The following DLEU7 variants were observed in gnomAD, a reference collection of about 807,000 sequenced individuals.
DLEU7 encodes leukemia-associated protein 7.
A neutral mutation model predicts 16.0 loss-of-function variants in DLEU7; 17 were observed. That is an observed-to-expected ratio of 1.06 (90% CI 0.73 to 1.59). DLEU7 has a LOEUF of 1.59. Among genes scored for constraint, DLEU7 ranks in the 40% most tolerant of loss-of-function variants. The pLI is 0.00. For synonymous variants in DLEU7, 113 were observed against 139.8 expected (o/e 0.81, Z 1.35); for missense variants, 308 against 314.9 (o/e 0.98, Z 0.17).
At chr13:50,792,951 G>T (rs1357814567) in intron 1 of DLEU7, among the ~76,000 whole-genome samples, 1 of 151,592 alleles carries the variant, frequency 6.6e-6, no homozygotes, top group Admixed American at 6.6e-5. Flanking sequence ...CCGAGGTTTG[G>T]AATATGAATG....
At chr13:50,802,908 G>A (rs974950008) in intron 1 of DLEU7, among the ~76,000 whole-genome samples, 2 of 152,036 alleles carry the variant, frequency 1.3e-5, no homozygotes, top group African/African-American at 4.8e-5. Context: ...TAACAATAGA[G>A]CTTAAATAGG....
intron 1 of DLEU7, among the ~76,000 whole-genome samples, chr13:50,835,803 C>T (rs1414989957): frequency 6.6e-6 from 1 of 152,236 alleles, no homozygotes; most frequent in Non-Finnish European, 1.5e-5. Context: ...TCTTGAACAA[C>T]TGAAAATGCA....
At chr13:50,816,397 T>C (rs1393480797) in intron 1 of DLEU7, among the ~76,000 whole-genome samples, 1 of 152,104 alleles carries the variant, frequency 6.6e-6, no homozygotes, top group East Asian at 1.9e-4. Context: ...ACAAGTATCA[T>C]GTAAACTGAG....
chr13:50,824,049 T>C (rs1453402045), intron 1 of DLEU7, among the ~76,000 whole-genome samples: 1 of 152,204 alleles, frequency 6.6e-6, no homozygotes. Context: ...GGACTTGAGT[T>C]TCTATTACTT....
At chr13:50,757,679 A>T (rs1874803350) in intron 1 of DLEU7, among the ~76,000 whole-genome samples, 1 of 152,194 alleles carries the variant, frequency 6.6e-6, no homozygotes, top group Admixed American at 6.5e-5. Flanking sequence ...TCACAGGCTG[A>T]GTGGATGGGT....
At chr13:50,784,252 A>G (rs576381557) in intron 1 of DLEU7, among the ~76,000 whole-genome samples, 1 of 152,312 alleles carries the variant, frequency 6.6e-6, no homozygotes, top group Admixed American at 6.5e-5. Context: ...ATTTTTTCCT[A>G]GCTGCTTACT....
intron 1 of DLEU7, among the ~76,000 whole-genome samples, chr13:50,801,444 T>C (rs148931966): frequency 6.6e-6 from 1 of 152,222 alleles, no homozygotes; most frequent in African/African-American, 2.4e-5. Context: ...GTATCCCTTT[T>C]CTGAGCAGAG....
downstream of DLEU7, chr13:50,711,779 G>GGGGGGGTGC (rs1555287138): frequency 2.9e-5 from 4 of 135,670 alleles, no homozygotes; most frequent in African/African-American, 9.4e-5. Context: ...TGGCGGGGGC[G>GGGGGGGTGC]GGGGGCATTA....
chr13:50,779,480 A>G (rs1238259898), intron 1 of DLEU7, among the ~76,000 whole-genome samples: 1 of 152,186 alleles, frequency 6.6e-6, no homozygotes, highest in Non-Finnish European at 1.5e-5. Flanking sequence ...ATGAGGCCCA[A>G]TTGCATTGTG....
chr13:50,768,618 C>T (rs1268418346), intron 1 of DLEU7, among the ~76,000 whole-genome samples: 1 of 152,144 alleles, frequency 6.6e-6, no homozygotes, highest in Non-Finnish European at 1.5e-5. Flanking sequence ...ATAAATTCAT[C>T]CCTGTTTATG....
intron 1 of DLEU7, among the ~76,000 whole-genome samples, chr13:50,772,427 T>G (rs543830594): frequency 1.3e-5 from 2 of 152,364 alleles, no homozygotes; most frequent in African/African-American, 4.8e-5. Context: ...CCATGTTTAG[T>G]GCTTCCTTCA....
intron 1 of DLEU7, among the ~76,000 whole-genome samples, chr13:50,736,515 A>G (rs1874075229): frequency 6.6e-6 from 1 of 152,148 alleles, no homozygotes; most frequent in Non-Finnish European, 1.5e-5. Context: ...AAAGTTAAAG[A>G]AAAGAAAGAT....
chr13:50,818,447 T>C (rs1277619270), downstream of DLEU7: 2 of 152,144 alleles, frequency 1.3e-5, no homozygotes. Flanking sequence ...GTTTAGATAT[T>C]TACCAAAAAA....
intron 1 of DLEU7, among the ~76,000 whole-genome samples, chr13:50,804,532 C>T (rs1359122814): frequency 2.6e-5 from 4 of 151,832 alleles, no homozygotes; most frequent in Non-Finnish European, 5.9e-5. Context: ...CAATCTCTGC[C>T]TCCTGGGTTC....
chr13:50,736,110 AC>A (rs774292303), intron 1 of DLEU7, among the ~76,000 whole-genome samples: 5 of 152,138 alleles, frequency 3.3e-5, no homozygotes, highest in Non-Finnish European at 7.4e-5. Context: ...CAATCTAAAT[AC>A]CCATCCATGG....
At chr13:50,759,731 C>T (rs955192245) in intron 1 of DLEU7, among the ~76,000 whole-genome samples, 1 of 152,100 alleles carries the variant, frequency 6.6e-6, no homozygotes, top group Non-Finnish European at 1.5e-5. Flanking sequence ...GAAGAAGTGA[C>T]CCGTGAGGGA....
intron 1 of DLEU7, among the ~76,000 whole-genome samples, chr13:50,773,939 G>A (rs1020803563): frequency 2.6e-5 from 4 of 152,186 alleles, no homozygotes; most frequent in African/African-American, 9.6e-5. Context: ...GAGCTTCCAG[G>A]CCACTTTGTT....
At chr13:50,712,361 T>A (rs1401181603) in exon 2 of DLEU7, 1 of 152,202 alleles carries the variant, frequency 6.6e-6, no homozygotes, top group African/African-American at 2.4e-5. Context: ...AACAGTATGT[T>A]GAATCAACAT....
intron 1 of DLEU7, among the ~76,000 whole-genome samples, chr13:50,740,086 T>C (rs1015657704): frequency 7.2e-5 from 11 of 152,136 alleles, no homozygotes; most frequent in Non-Finnish European, 1.2e-4. Context: ...TCAAGTTCTT[T>C]TAAGCCTGAA....
Sources: allele counts gnomAD v4.1 joint callset (sites outside exome capture counted in the v4.1 genomes callset), GRCh38; gene constraint gnomAD v4.1.1; transcripts MANE v1.5; gene names NCBI Gene and HGNC (gene_info 2026-07-23, HGNC 2026-07-21).